The following LYPD6 variants were observed in gnomAD, a reference collection of about 807,000 sequenced individuals.
The protein encoded by LYPD6 is ly6/PLAUR domain-containing protein 6.
A neutral mutation model predicts 22.7 loss-of-function variants in LYPD6; 15 were observed. The ratio of observed to expected loss-of-function variants is 0.66; its 90% CI spans 0.44 to 1.02. LYPD6 has a LOEUF of 1.02. Ranked by LOEUF, LYPD6 falls within the 50% of genes least tolerant of loss-of-function variation. The probability of loss-of-function intolerance (pLI) is 0.00; values close to 1 mark genes in which losing one functional copy is unlikely to be tolerated. For synonymous variants in LYPD6, 72 were observed against 77.5 expected (o/e 0.93, Z 0.37); for missense variants, 189 against 208.4 (o/e 0.91, Z 0.57).
At chr2:149,462,012 T>G (rs1376039315) in intron 3 of LYPD6, among the ~76,000 whole-genome samples, 2 of 152,030 alleles carry the variant, frequency 1.3e-5, no homozygotes, top group African/African-American at 4.8e-5. Context: ...CTTTCACTAC[T>G]TTTATTTAGT....
chr2:149,342,306 C>A (rs1197174565), intron 1 of LYPD6, among the ~76,000 whole-genome samples: 2 of 152,114 alleles, frequency 1.3e-5, no homozygotes. Flanking sequence ...GGATACAACA[C>A]CCAAACCATA....
intron 2 of LYPD6, among the ~76,000 whole-genome samples, chr2:149,448,511 G>A (rs142352067): frequency 1.1e-3 from 166 of 152,060 alleles, no homozygotes; most frequent in African/African-American, 3.8e-3. Flanking sequence ...TCCTCCTACT[G>A]GCCTCAAACC....
chr2:149,435,865 T>A (rs1413356729), intron 1 of LYPD6, among the ~76,000 whole-genome samples: 8 of 152,242 alleles, frequency 5.3e-5, no homozygotes, highest in Admixed American at 2.6e-4. Flanking sequence ...AGCTCTACTC[T>A]GTTGTCTAAC....
chr2:149,372,163 T>C (rs966018154), intron 1 of LYPD6, among the ~76,000 whole-genome samples: 4 of 152,152 alleles, frequency 2.6e-5, no homozygotes, highest in African/African-American at 9.7e-5. Flanking sequence ...GTGAATAGAA[T>C]GTTCAGTGGG....
chr2:149,344,138 T>C (rs756780076), intron 1 of LYPD6, among the ~76,000 whole-genome samples: 2 of 152,212 alleles, frequency 1.3e-5, no homozygotes, highest in Non-Finnish European at 2.9e-5. Context: ...ATTCTGTGAA[T>C]GTACAATTAG....
intron 1 of LYPD6, among the ~76,000 whole-genome samples, chr2:149,374,131 C>T (rs1217251485): frequency 2.0e-5 from 3 of 152,148 alleles, no homozygotes; most frequent in Non-Finnish European, 4.4e-5. Flanking sequence ...AAATGGCCAG[C>T]ATCTTTTCTT....
rs926408483 is a variant in LYPD6, at chr2:149,474,086, A to G, written c.*3236A>G. 5 of 152,212 alleles carry G rather than the reference A, an allele frequency of 3.3e-5. No individual in the cohort carries two copies. The highest frequency in any genetic ancestry group is 7.2e-5 in the African/African-American group (3 of 41,466). 9.4% of individuals were successfully genotyped at this position (152,212 alleles called of 1,614,324 possible). On this transcript the variant is annotated 3_prime_UTR_variant, in exon 5 of 5. Transcript: ENST00000334166. ...AATAGTGTACATGTCATTTTTATCT[A>G]TACAATGAATTTATTATATTTTTCT...
At chr2:149,334,126 A>G (rs1286009563) in intron 1 of LYPD6, among the ~76,000 whole-genome samples, 1 of 152,204 alleles carries the variant, frequency 6.6e-6, no homozygotes, top group Non-Finnish European at 1.5e-5. Flanking sequence ...AAGAAAAGAA[A>G]AAGAAAGCTT....
intron 1 of LYPD6, among the ~76,000 whole-genome samples, chr2:149,342,641 G>A (rs1681184658): frequency 1.3e-5 from 2 of 152,172 alleles, no homozygotes; most frequent in Non-Finnish European, 1.5e-5. Flanking sequence ...AGGGAATAAT[G>A]TGCATAGTTA....
intron 1 of LYPD6, among the ~76,000 whole-genome samples, chr2:149,415,723 G>C (rs1257336881): frequency 6.6e-6 from 1 of 152,146 alleles, no homozygotes; most frequent in Non-Finnish European, 1.5e-5. Flanking sequence ...CTGGGGTGCA[G>C]TGGCATGATC....
chr2:149,483,556 CA>C, the LYPD6 span, among the ~76,000 whole-genome samples: 1 of 152,270 alleles, frequency 6.6e-6, no homozygotes, highest in East Asian at 1.9e-4. Context: ...GGCTTAGACT[CA>C]AATTCTGACT....
At chr2:149,369,410 C>G (rs546705826) in intron 1 of LYPD6, among the ~76,000 whole-genome samples, 1 of 152,208 alleles carries the variant, frequency 6.6e-6, no homozygotes, top group Admixed American at 6.5e-5. Flanking sequence ...GGGTGACATA[C>G]CCACAGCTCC....
chr2:149,406,035 T>C (rs567866903), intron 1 of LYPD6, among the ~76,000 whole-genome samples: 5 of 150,922 alleles, frequency 3.3e-5, no homozygotes, highest in Non-Finnish European at 4.4e-5. Flanking sequence ...TCCATGTAGT[T>C]GAGCGGTTTT....
chr2:149,429,762 A>T (rs967133187), intron 1 of LYPD6, among the ~76,000 whole-genome samples: 7 of 152,186 alleles, frequency 4.6e-5, no homozygotes, highest in Admixed American at 1.3e-4. Context: ...GCTATGGAAT[A>T]GAAGGGAGGA....
At chr2:149,339,066 G>A (rs1399338842) in intron 1 of LYPD6, among the ~76,000 whole-genome samples, 1 of 152,192 alleles carries the variant, frequency 6.6e-6, no homozygotes, top group African/African-American at 2.4e-5. Context: ...ACGACAGAAT[G>A]TAAATAGAAC....
Position 149,412,054 on chromosome 2 carries a change from A to C in LYPD6, c.-71-25584A>C, listed in dbSNP as rs192478385. ...ATTATCAGGTATTTAGATTATGTGC[A>C]TTCTCGCCTATATTATCTTGACACA... On this transcript the variant is annotated intron_variant, in intron 1 of 4. Coordinates refer to ENST00000334166, the MANE Select transcript of LYPD6 (RefSeq NM_194317.5). 2.4e-3 allele frequency among the ~76,000 whole-genome samples: 366 copies of C among 152,294 alleles called. 3 individuals carry two copies. Among genetic ancestry groups the C allele is most frequent in the Middle Eastern group, 0.01 (3 of 294 alleles).
chr2:149,476,319 C>A (rs1404364494), downstream of LYPD6, among the ~76,000 whole-genome samples: 1 of 151,970 alleles, frequency 6.6e-6, no homozygotes, highest in Non-Finnish European at 1.5e-5. Flanking sequence ...ATTTTTCATT[C>A]TAATATGAGA....
At chr2:149,359,013 C>CT (rs1475930129) in intron 1 of LYPD6, among the ~76,000 whole-genome samples, 1 of 152,140 alleles carries the variant, frequency 6.6e-6, no homozygotes, top group Non-Finnish European at 1.5e-5. Context: ...GAAAAATATA[C>CT]TTACGTCCTC....
At chr2:149,454,703 C>T (rs1015896384) in intron 3 of LYPD6, among the ~76,000 whole-genome samples, 1 of 152,118 alleles carries the variant, frequency 6.6e-6, no homozygotes, top group African/African-American at 2.4e-5. Flanking sequence ...ATCTCACCAG[C>T]AGTGCATGGA....
Sources: allele counts gnomAD v4.1 joint callset (sites outside exome capture counted in the v4.1 genomes callset), GRCh38; gene constraint gnomAD v4.1.1; transcripts MANE v1.5; gene names NCBI Gene and HGNC (gene_info 2026-07-23, HGNC 2026-07-21).